Variants in SMAD3 observed in about 807,000 individuals in gnomAD.
SMAD3 encodes the protein SMAD family member 3.
A neutral mutation model predicts 51.8 loss-of-function variants in SMAD3; 12 were observed. The observed-to-expected ratio is 0.23, with a 90% CI of 0.15 to 0.38. The LOEUF is 0.38. Among genes scored for constraint, SMAD3 ranks in the 10% least tolerant of loss-of-function variants. The pLI, the probability that SMAD3 is intolerant of heterozygous loss-of-function variation, is 1.00. For synonymous variants in SMAD3, 238 were observed against 227.7 expected, an observed-to-expected ratio of 1.05 and a Z score of -0.41; for missense variants, 294 against 565.6, an observed-to-expected ratio of 0.52 and a Z score of 4.87.
intron 1 of SMAD3, among the ~76,000 whole-genome samples, chr15:67,159,915 A>C (rs752882290): frequency 6.6e-6 from 1 of 152,214 alleles, no homozygotes; most frequent in African/African-American, 2.4e-5. Flanking sequence ...TGGCTCATTC[A>C]TCTGTTAATA....
At chr15:67,152,125 C>T (rs1331317124) in intron 1 of SMAD3, among the ~76,000 whole-genome samples, 1 of 152,174 alleles carries the variant, frequency 6.6e-6, no homozygotes. Flanking sequence ...TAACAAATTT[C>T]TCCCCATCCC....
intron 1 of SMAD3, among the ~76,000 whole-genome samples, chr15:67,127,116 G>A (rs1961408806): frequency 6.6e-6 from 1 of 152,104 alleles, no homozygotes; most frequent in Non-Finnish European, 1.5e-5. Context: ...GCTAAATACC[G>A]GCCACCTCGA....
In SMAD3 at chr15:67,150,808, TTTTTTTTTTTTA is replaced by T. The variant is rs1158844118; in HGVS notation, c.207-14084_207-14073del. 9.7e-4 allele frequency among the ~76,000 whole-genome samples: 128 copies of T among 132,428 alleles called. 2 individuals carry two copies. Among genetic ancestry groups the T allele is most frequent in the African/African-American group, 3.3e-3 (120 of 36,590 alleles). 86.9% of individuals were successfully genotyped at this position (132,428 alleles called of 152,430 possible). A position where few individuals can be genotyped will look rare whatever the true frequency, so the allele number is the denominator to read the frequency against. On this transcript the variant is annotated intron_variant, in intron 1 of 8. Transcript: ENST00000327367. Reference sequence around the variant, plus strand: ...CTTTTCCATGTCCTGCTTTTTTTTTTTTTTTTTTTTTATTAAGAGAGCAAAGCTATTTCTCAG... The same window carrying T: ...CTTTTCCATGTCCTGCTTTTTTTTTTTTAAGAGAGCAAAGCTATTTCTCAG...
intron 1 of SMAD3, among the ~76,000 whole-genome samples, chr15:67,080,942 G>A (rs1960267960): frequency 6.6e-6 from 1 of 152,196 alleles, no homozygotes; most frequent in East Asian, 1.9e-4. Context: ...AGGGACTTGA[G>A]TTCTCTCAAC....
At chr15:67,147,773 T>C (rs1460225823) in intron 1 of SMAD3, among the ~76,000 whole-genome samples, 2 of 152,220 alleles carry the variant, frequency 1.3e-5, no homozygotes, top group Non-Finnish European at 2.9e-5. Context: ...GCAGCCTCCC[T>C]CACCTTTCTG....
chr15:67,150,484 G>A (rs1386614311), intron 1 of SMAD3, among the ~76,000 whole-genome samples: 7 of 98,112 alleles, frequency 7.1e-5, no homozygotes, highest in African/African-American at 1.8e-4. Context: ...GGAAAAAAAA[G>A]AAAGAAAGAA....
intron 1 of SMAD3, among the ~76,000 whole-genome samples, chr15:67,164,160 AC>A (rs1962507938): frequency 6.6e-6 from 1 of 150,752 alleles, no homozygotes; most frequent in South Asian, 2.1e-4. Flanking sequence ...AAATACAAAA[AC>A]AAAATTAGCT....
At chr15:67,110,614 C>T (rs746806549) in intron 1 of SMAD3, among the ~76,000 whole-genome samples, 16 of 152,200 alleles carry the variant, frequency 1.1e-4, no homozygotes, top group Non-Finnish European at 1.8e-4. Context: ...CTTGTTCTGC[C>T]TCTCTGTGTC....
intron 1 of SMAD3, among the ~76,000 whole-genome samples, chr15:67,067,780 C>T (rs1429216834): frequency 6.6e-6 from 1 of 151,948 alleles, no homozygotes; most frequent in Admixed American, 6.6e-5. Context: ...AGTCTCTGGG[C>T]GTGTGATCGG....
At chr15:67,189,065 A>G (rs1963295729) in intron 8 of SMAD3, among the ~76,000 whole-genome samples, 1 of 152,268 alleles carries the variant, frequency 6.6e-6, no homozygotes, top group African/African-American at 2.4e-5. Flanking sequence ...AGGTCTAGCC[A>G]GAGAAATGTT....
At chr15:67,152,989 T>G (rs1222992216) in intron 1 of SMAD3, among the ~76,000 whole-genome samples, 5 of 152,210 alleles carry the variant, frequency 3.3e-5, no homozygotes, top group Non-Finnish European at 1.5e-5. Flanking sequence ...CAGTGTGCTT[T>G]GTAGTCATAG....
rs183877342 is a variant in SMAD3 at position 67,195,043 on chromosome 15, T to C, written c.*4507T>C. ...ATGTATTTATAGTGTTTTAGATTTT[T>C]CTAACTTTTATATCTTAAAAGCAGA... On this transcript the variant is annotated 3_prime_UTR_variant, in exon 9 of 9. Transcript: ENST00000327367. 7 of 233,714 alleles carry C rather than the reference T, an allele frequency of 3.0e-5. No individual in the cohort carries two copies. The highest frequency in any genetic ancestry group is 2.8e-4 in the Admixed American group (5 of 17,800). 14.5% of individuals were successfully genotyped at this position (233,714 alleles called of 1,614,324 possible). A position where few individuals can be genotyped will look rare whatever the true frequency, so the allele number is the denominator to read the frequency against.
At chr15:67,100,669 C>G (rs964667478) in intron 1 of SMAD3, among the ~76,000 whole-genome samples, 8 of 151,714 alleles carry the variant, frequency 5.3e-5, no homozygotes, top group Admixed American at 4.6e-4. Context: ...AAATGTATTC[C>G]TCTAATGGTG....
intron 1 of SMAD3, among the ~76,000 whole-genome samples, chr15:67,158,169 CTTAT>C (rs1420309370): frequency 6.6e-6 from 1 of 152,156 alleles, no homozygotes; most frequent in Admixed American, 6.5e-5. Flanking sequence ...AGAATTAAGA[CTTAT>C]TTATTGGATT....
rs571689385 is a variant in SMAD3 at position 67,191,190 on chromosome 15, A to G, written c.*654A>G. The G allele has an allele frequency of 6.3e-4, 148 of 233,892 alleles. 1 individual carries two copies. The highest frequency in any genetic ancestry group is 3.1e-3 in the African/African-American group (140 of 45,466). The allele number at this position is 233,892 out of a possible 1,614,324, so 14.5% of individuals were successfully genotyped here. A position where few individuals can be genotyped will look rare whatever the true frequency, so the allele number is the denominator to read the frequency against. On this transcript the variant is annotated 3_prime_UTR_variant, in exon 9 of 9. Coordinates refer to ENST00000327367, the MANE Select transcript of SMAD3 (RefSeq NM_005902.4). ...GTTCAGCAGAACCTGCACACAGGAC[A>G]GCGGGAAAAATCGATGAGCGCCACC... is the stretch of plus-strand genomic sequence containing the variant.
intron 1 of SMAD3, among the ~76,000 whole-genome samples, chr15:67,095,754 C>T (rs1302654495): frequency 6.6e-6 from 1 of 152,136 alleles, no homozygotes; most frequent in South Asian, 2.1e-4. Flanking sequence ...AGGCTGGTCT[C>T]GAACTCCTGA....
At chr15:67,120,274 G>T (rs563103731) in intron 1 of SMAD3, among the ~76,000 whole-genome samples, 12 of 152,350 alleles carry the variant, frequency 7.9e-5, no homozygotes, top group African/African-American at 2.9e-4. Flanking sequence ...TTAACGTGAT[G>T]TGGGGAACAG....
chr15:67,109,164 C>G (rs561049007), intron 1 of SMAD3, among the ~76,000 whole-genome samples: 1 of 152,350 alleles, frequency 6.6e-6, no homozygotes, highest in Non-Finnish European at 1.5e-5. Flanking sequence ...ATTTTTAATG[C>G]TTGATGATTA....
chr15:67,091,896 A>G (rs1439763557), intron 1 of SMAD3, among the ~76,000 whole-genome samples: 2 of 152,202 alleles, frequency 1.3e-5, no homozygotes, highest in African/African-American at 4.8e-5. Context: ...AGCAGCTGAG[A>G]AGCCACAATG....
Sources: allele counts gnomAD v4.1 joint callset (sites outside exome capture counted in the v4.1 genomes callset), GRCh38; gene constraint gnomAD v4.1.1; transcripts MANE v1.5; gene names NCBI Gene and HGNC (gene_info 2026-07-23, HGNC 2026-07-21).